SORCS2: variants seen among roughly 807,000 people sequenced by gnomAD.
SORCS2 encodes the protein VPS10 domain-containing receptor SorCS2.
A neutral mutation model predicts 141.6 loss-of-function variants in SORCS2; 100 were observed. The ratio of observed to expected loss-of-function variants is 0.71; its 90% CI spans 0.60 to 0.83. The LOEUF is 0.83. SORCS2 is among the 40% of genes least tolerant of loss of function. The probability of loss-of-function intolerance (pLI) is 0.00; values close to 1 mark genes in which losing one functional copy is unlikely to be tolerated. For synonymous variants in SORCS2, 789 were observed against 676.9 expected, an observed-to-expected ratio of 1.17 and a Z score of -2.57; for missense variants, 1,646 against 1,560.2, an observed-to-expected ratio of 1.05 and a Z score of -0.93.
At chr4:7,694,920 C>G (rs868636027) in intron 11 of SORCS2, among the ~76,000 whole-genome samples, 1 of 151,724 alleles carries the variant, frequency 6.6e-6, no homozygotes, top group African/African-American at 2.4e-5. Flanking sequence ...GAGGCTCTTT[C>G]CTGCCTGAGT....
intron 2 of SORCS2, among the ~76,000 whole-genome samples, chr4:7,482,008 C>T (rs1415014487): frequency 1.2e-5 from 1 of 81,612 alleles, no homozygotes; most frequent in Non-Finnish European, 2.5e-5. Flanking sequence ...CCCCTGGCTG[C>T]TGTTCAGACC....
rs1397266346 is a variant in SORCS2 at position 7,620,007 on chromosome 4, TCCTCCTCCTCCTTC to T, written c.649-18319_649-18306del. ...TGCATCTAGTTACACCTCTTTTTTC[TCCTCCTCCTCCTTC>T]CTCCTCCTCCTCCTTCCTCCTCCTC... On this transcript the variant is annotated intron_variant, in intron 3 of 26. Transcript: ENST00000507866. 0.014 allele frequency among the ~76,000 whole-genome samples: 30 copies of T among 2,102 alleles called. No homozygotes were observed. The Non-Finnish European group carries it at 0.2, about 14-fold the overall frequency. 1.4% of individuals were successfully genotyped at this position (2,102 alleles called of 152,430 possible). A position where few individuals can be genotyped will look rare whatever the true frequency, so the allele number is the denominator to read the frequency against.
At chr4:7,485,621 G>C (rs568617643) in intron 2 of SORCS2, among the ~76,000 whole-genome samples, 3 of 152,386 alleles carry the variant, frequency 2.0e-5, no homozygotes, top group African/African-American at 7.2e-5. Flanking sequence ...AGGAAACGGA[G>C]GTTGTGGGGT....
intron 2 of SORCS2, among the ~76,000 whole-genome samples, chr4:7,462,414 T>C (rs926803208): frequency 6.6e-6 from 1 of 152,166 alleles, no homozygotes; most frequent in East Asian, 1.9e-4. Context: ...GACTAAGAAC[T>C]TTGGCCTTTG....
At chr4:7,453,075 G>A (rs1728586210) in intron 2 of SORCS2, among the ~76,000 whole-genome samples, 1 of 140,512 alleles carries the variant, frequency 7.1e-6, no homozygotes, top group East Asian at 2.3e-4. Flanking sequence ...TGTGTGTTGG[G>A]GTCACGTGCT....
At chr4:7,631,383 C>T (rs1719885167) in intron 3 of SORCS2, among the ~76,000 whole-genome samples, 1 of 151,742 alleles carries the variant, frequency 6.6e-6, no homozygotes. Flanking sequence ...AGGCAGACCT[C>T]CTGGCCAGGC....
intron 3 of SORCS2, among the ~76,000 whole-genome samples, chr4:7,611,154 C>G (rs1718380524): frequency 6.6e-6 from 1 of 152,170 alleles, no homozygotes; most frequent in Non-Finnish European, 1.5e-5. Flanking sequence ...CCACATGGAG[C>G]CAGTGACAGC....
intron 3 of SORCS2, among the ~76,000 whole-genome samples, chr4:7,605,192 C>G (rs533406027): frequency 1.3e-5 from 2 of 152,272 alleles, no homozygotes; most frequent in South Asian, 2.1e-4. Flanking sequence ...GCTGTGCCAG[C>G]CATTGTCTGC....
At chr4:7,316,824 G>C (rs755430057) in intron 1 of SORCS2, among the ~76,000 whole-genome samples, 4 of 152,182 alleles carry the variant, frequency 2.6e-5, no homozygotes, top group Non-Finnish European at 5.9e-5. Context: ...GCTGGCTAGA[G>C]GCATGTTGCC....
At chr4:7,427,174 C>T (rs1049675255) in intron 2 of SORCS2, among the ~76,000 whole-genome samples, 2 of 152,052 alleles carry the variant, frequency 1.3e-5, no homozygotes, top group Admixed American at 1.3e-4. Flanking sequence ...GGCAGCATAT[C>T]CATTGTGGGC....
chr4:7,196,579 G>T (rs978745665), intron 1 of SORCS2, among the ~76,000 whole-genome samples: 1 of 151,974 alleles, frequency 6.6e-6, no homozygotes, highest in Non-Finnish European at 1.5e-5. Flanking sequence ...CTCTGTCATT[G>T]TTCCCCGAGA....
chr4:7,199,630 G>A (rs1167923404), intron 1 of SORCS2, among the ~76,000 whole-genome samples: 3 of 151,058 alleles, frequency 2.0e-5, no homozygotes, highest in Admixed American at 1.3e-4. Context: ...GGGGCGGGCC[G>A]CTCTGGGATG....
intron 2 of SORCS2, among the ~76,000 whole-genome samples, chr4:7,522,350 A>C (rs1407099951): frequency 6.6e-6 from 1 of 152,250 alleles, no homozygotes; most frequent in Non-Finnish European, 1.5e-5. Context: ...TCAGCAGTTA[A>C]GCAGCCGATT....
At chr4:7,603,181 A>C (rs148571490) in intron 3 of SORCS2, among the ~76,000 whole-genome samples, 4,080 of 125,612 alleles carry the variant, frequency 0.032, 99 homozygotes, top group Non-Finnish European at 0.044. Flanking sequence ...ATGGAAAGAG[A>C]GGGGGAGGGG....
At position 7,676,125 on chromosome 4, in the gene SORCS2, A is replaced by G; in HGVS notation, c.1237A>G (p.Asn413Asp). 6.3e-7 allele frequency: 1 copy of G among 1,582,682 alleles called. No individual in the cohort carries two copies. The highest frequency in any genetic ancestry group is 1.8e-5 in the Admixed American group (1 of 56,428). The change falls in exon 9 of 27, where the codon AAC (asparagine) becomes GAC (aspartate). Residue 413 changes from asparagine (N) to aspartate (D), a missense_variant. Coordinates refer to ENST00000507866, the MANE Select transcript of SORCS2 (RefSeq NM_020777.3). ...GGAGTGGTACCAGATGGACACCTAC[A>G]ACCTGTACCAGTCGGACCCACGGGG... Reference protein sequence around the residue: ...VQEWYQMDTYNLYQSDPRGVR... With the variant: ...VQEWYQMDTYDLYQSDPRGVR...
chr4:7,340,546 C>T (rs1305302287), intron 1 of SORCS2, among the ~76,000 whole-genome samples: 1 of 152,244 alleles, frequency 6.6e-6, no homozygotes, highest in African/African-American at 2.4e-5. Flanking sequence ...GCTCAGGCTG[C>T]GTGCCACAGT....
chr4:7,391,346 G>A lies in SORCS2; in HGVS notation c.481-4942G>A, dbSNP rs538198830. ...CCTGTTAATGCCGTTGTGGGTCCGA[G>A]GCTGGTTAGCCTCGGCTCCCTCCCA... On this transcript the variant is annotated intron_variant, in intron 1 of 26. Transcript: ENST00000507866. Among the ~76,000 whole-genome samples the A allele has an allele frequency of 2.6e-5, 4 of 152,306 alleles. No individual in the cohort carries two copies. The South Asian group carries it at 8.3e-4, about 32-fold the overall frequency.
At chr4:7,710,122 G>T (rs1725729523) in intron 14 of SORCS2, among the ~76,000 whole-genome samples, 1 of 152,182 alleles carries the variant, frequency 6.6e-6, no homozygotes, top group Non-Finnish European at 1.5e-5. Context: ...CTCTGCCCCA[G>T]CTCAGAACAG....
chr4:7,543,646 GTCCA>G (rs1280886078), intron 3 of SORCS2, among the ~76,000 whole-genome samples: 11 of 13,722 alleles, frequency 8.0e-4, no homozygotes, highest in Non-Finnish European at 1.7e-3. Context: ...CCGTCCATCC[GTCCA>G]TCCATCCACC....
Sources: allele counts gnomAD v4.1 joint callset (sites outside exome capture counted in the v4.1 genomes callset), GRCh38; gene constraint gnomAD v4.1.1; transcripts MANE v1.5; gene names NCBI Gene and HGNC (gene_info 2026-07-23, HGNC 2026-07-21).